NTN5: variants seen among roughly 807,000 people sequenced by gnomAD.
The protein encoded by NTN5 is netrin 5.
A neutral mutation model predicts 38.7 loss-of-function variants in NTN5; 42 were observed. The observed-to-expected ratio is 1.08, with a 90% confidence interval of 0.85 to 1.40. The LOEUF (loss-of-function observed/expected upper bound fraction) is 1.40. Ranked by LOEUF, NTN5 falls within the 40% of genes most tolerant of loss-of-function variation. NTN5 has a pLI of 0.00. For synonymous variants in NTN5, 329 were observed against 303.9 expected, an observed-to-expected ratio of 1.08 and a Z score of -0.86; for missense variants, 658 against 716.5, an observed-to-expected ratio of 0.92 and a Z score of 0.93.
intron 2 of NTN5, 84 bp downstream of exon 2, chr19:48,670,272 G>C (rs541640359): frequency 7.7e-7 from 1 of 1,304,394 alleles, no homozygotes; most frequent in African/African-American, 1.6e-5. Flanking sequence ...TCCAGCGAGG[G>C]AAGGGAACAT....
chr19:48,664,207 G>T lies in NTN5; in HGVS notation c.906C>A (p.Gly302=). The T allele has an allele frequency of 6.2e-7, 1 of 1,611,248 alleles. No individual in the cohort carries two copies. The highest frequency in any genetic ancestry group is 8.5e-7 in the Non-Finnish European group (1 of 1,178,858). The part of the protein sequence containing the change: ...GQCTCKLGVT[G]LTCNRCGPGY... ...CAGGGCCACAGCGGTTGCAGGTCAG[G>T]CCTGTGACCCCTAACTTGCAGGTGC... Residue 302 remains glycine (G), a synonymous_variant, in exon 4 of 7, where the codon GGC becomes GGA. Coordinates refer to ENST00000270235, the MANE Select transcript of NTN5 (RefSeq NM_145807.4).
At chr19:48,667,937 C>G (rs1018794158) in intron 2 of NTN5, among the ~76,000 whole-genome samples, 1 of 151,420 alleles carries the variant, frequency 6.6e-6, no homozygotes. Context: ...CACTTGCACA[C>G]GTGTGTATAT....
At chr19:48,665,525 A>G (rs982214988) in intron 2 of NTN5, among the ~76,000 whole-genome samples, 7 of 151,394 alleles carry the variant, frequency 4.6e-5, no homozygotes, top group Non-Finnish European at 1.0e-4. Flanking sequence ...CTGGGCCTCT[A>G]AAGAGTAGGC....
At chr19:48,667,213 C>T (rs2031728210) in intron 2 of NTN5, 1 of 166,362 alleles carries the variant, frequency 6.0e-6, no homozygotes, top group African/African-American at 2.4e-5. Context: ...CCTCACTTCC[C>T]CTGTGGAGAA....
In NTN5 at chr19:48,670,473, G is replaced by A. The variant is rs767481927; in HGVS notation, c.514C>T (p.Pro172Ser). 6.8e-7 allele frequency: 1 copy of A among 1,475,264 alleles called. No homozygotes were observed. The allele number at this position is 1,475,264 out of a possible 1,614,324, so 91.4% of individuals were successfully genotyped here. A position where few individuals can be genotyped will look rare whatever the true frequency, so the allele number is the denominator to read the frequency against. Reference protein sequence around the residue: ...HAARCAARARPPRCHCRHHTT... With the variant: ...HAARCAARARSPRCHCRHHTT... ...TGGTGGCGGCAGTGGCAGCGGGGGGGCCGGGCACGGGCGGCACAGCGGGCA... is the reference window on the plus strand; with the variant it reads ...TGGTGGCGGCAGTGGCAGCGGGGGGACCGGGCACGGGCGGCACAGCGGGCA... The change falls in exon 2 of 7, where the codon CCC becomes TCC. Residue 172 changes from proline to serine, a missense_variant. Transcript: ENST00000270235.
At position 48,670,370 on chromosome 19, in the gene NTN5, G is replaced by C. The variant is rs1273991577; in HGVS notation, c.617C>G (p.Pro206Arg). Residue 206 changes from proline to arginine, a missense_variant, in exon 2 of 7, where the codon CCC becomes CGC. By Grantham distance (103) the Pro-to-Arg change is moderately radical. Transcript: ENST00000270235. ...GCAGGACTCACGTAGGCAAGGGTGG[G>C]GGTGCCGGGGCGTGGCAGGCCGCCA... ...WPWRPATPRH[P>R]HPCLPCSCNQ... The C allele has an allele frequency of 2.8e-6, 4 of 1,413,824 alleles. No individual in the cohort carries two copies. Among genetic ancestry groups the C allele is most frequent in the Non-Finnish European group, 3.7e-6 (4 of 1,085,004 alleles). 87.6% of individuals were successfully genotyped at this position (1,413,824 alleles called of 1,614,324 possible).
chr19:48,669,147 TCACCACCATCACCAC>T (rs2031794637), intron 2 of NTN5, among the ~76,000 whole-genome samples: 2 of 75,264 alleles, frequency 2.7e-5, no homozygotes, highest in Admixed American at 1.5e-4. Flanking sequence ...ATCACCATCA[TCACCACCATCACCAC>T]CACCACCATC....
intron 2 of NTN5, among the ~76,000 whole-genome samples, chr19:48,669,528 T>C (rs867821802): frequency 2.3e-3 from 46 of 20,156 alleles, no homozygotes; most frequent in Middle Eastern, 0.042. Context: ...ACCACCACCA[T>C]CACCACCACC....
chr19:48,671,775 C>T (rs571800237), intron 1 of NTN5, among the ~76,000 whole-genome samples: 78 of 152,232 alleles, frequency 5.1e-4, no homozygotes, highest in South Asian at 5.0e-3. Context: ...ACCCTGGGCA[C>T]GGAAGGGGAT....
intron 3 of NTN5, 26 bp downstream of exon 3, chr19:48,664,553 C>T (rs768597125): frequency 3.2e-6 from 5 of 1,578,514 alleles, no homozygotes; most frequent in East Asian, 4.5e-5. Flanking sequence ...CTGCTCCCCC[C>T]AGGCCTGTCT....
chr19:48,665,848 A>T (rs1244522110), intron 2 of NTN5, among the ~76,000 whole-genome samples: 1 of 151,914 alleles, frequency 6.6e-6, no homozygotes, highest in Non-Finnish European at 1.5e-5. Context: ...AGAGTGGGCT[A>T]TGGCCTGTGG....
chr19:48,663,658 G>T, intron 5 of NTN5, 103 bp downstream of exon 5: 1 of 1,509,794 alleles, frequency 6.6e-7, no homozygotes, highest in Non-Finnish European at 9.2e-7. Context: ...AAACCTTTGG[G>T]ACTGGGCTCA....
At position 48,667,860 on chromosome 19, in the gene NTN5, G is replaced by GA. The variant is rs968851515; in HGVS notation, c.631+2495dup. Among the ~76,000 whole-genome samples the GA allele has an allele frequency of 8.4e-3, 1,235 of 147,680 alleles. 18 individuals carry two copies. Among genetic ancestry groups the GA allele is most frequent in the African/African-American group, 0.029 (1,157 of 40,342 alleles). Reference sequence around the variant, plus strand: ...GACAGAGCAAGACTCCATCTCAAAAGAAAAAAAAAAGAAATAGAGGGCCGG... The same window carrying GA: ...GACAGAGCAAGACTCCATCTCAAAAGAAAAAAAAAAAGAAATAGAGGGCCGG... On this transcript the variant is annotated intron_variant, in intron 2 of 6. Transcript: ENST00000270235.
chr19:48,670,671 A>G lies in NTN5; in HGVS notation c.316T>C (p.Trp106Arg), dbSNP rs2031937402. The G allele has an allele frequency of 6.2e-7, 1 of 1,608,280 alleles. No homozygotes were observed. Among genetic ancestry groups the G allele is most frequent in the African/African-American group, 1.3e-5 (1 of 74,970 alleles). Reference sequence around the variant, plus strand: ...GCCCCAGGCCAGGCGGGCCTGTGCCACAGCAGCCTCCAGGGACCCCCTGAG... The same window carrying G: ...GCCCCAGGCCAGGCGGGCCTGTGCCGCAGCAGCCTCCAGGGACCCCCTGAG... ...WASGGPWRLLWHRPAWPGALG... is the reference protein window; with the variant it reads ...WASGGPWRLLRHRPAWPGALG... The change falls in exon 2 of 7, where the codon TGG (tryptophan) becomes CGG (arginine). Residue 106 changes from tryptophan (W) to arginine (R), a missense_variant. Trp to Arg is a moderately radical substitution (Grantham distance 101). Transcript: ENST00000270235.
chr19:48,668,949 A>G (rs76674184), intron 2 of NTN5, among the ~76,000 whole-genome samples: 1,782 of 148,862 alleles, frequency 0.012, 39 homozygotes, highest in African/African-American at 0.042. Context: ...CACCACCACC[A>G]TCATCATCAC....
intron 2 of NTN5, among the ~76,000 whole-genome samples, chr19:48,668,048 C>G (rs2031750256): frequency 6.6e-6 from 1 of 152,018 alleles, no homozygotes; most frequent in Admixed American, 6.6e-5. Flanking sequence ...GGAGCTGACA[C>G]CGGCTGTCTC....
chr19:48,667,792 G>A (rs2031743267), intron 2 of NTN5, among the ~76,000 whole-genome samples: 1 of 152,074 alleles, frequency 6.6e-6, no homozygotes, highest in Non-Finnish European at 1.5e-5. Flanking sequence ...AGAGGCAGAG[G>A]CTACAGTGAG....
At chr19:48,665,479 C>CA (rs1555749041) in intron 2 of NTN5, among the ~76,000 whole-genome samples, 1 of 149,984 alleles carries the variant, frequency 6.7e-6, no homozygotes, top group African/African-American at 2.5e-5. Context: ...CTGGTAAGTC[C>CA]GGGGGGACTC....
intron 3 of NTN5, 97 bp from the exon 4 acceptor site, chr19:48,664,389 C>T (rs939994621): frequency 2.3e-5 from 34 of 1,458,672 alleles, no homozygotes; most frequent in Non-Finnish European, 2.5e-5. Flanking sequence ...GGAGTCCAGG[C>T]CCCCAGCCCC....
Sources: allele counts gnomAD v4.1 joint callset (sites outside exome capture counted in the v4.1 genomes callset), GRCh38; gene constraint gnomAD v4.1.1; transcripts MANE v1.5; gene names NCBI Gene and HGNC (gene_info 2026-07-23, HGNC 2026-07-21).